Variants in PCDHGA8 observed in about 807,000 individuals in gnomAD.
PCDHGA8 encodes the protein protocadherin gamma-A8.
Under a neutral mutation model 59.2 loss-of-function variants are expected in PCDHGA8, and 45 were observed. The observed-to-expected ratio is 0.76, with a 90% CI of 0.60 to 0.98. The LOEUF is 0.98. PCDHGA8 is among the 50% of genes least tolerant of loss of function. PCDHGA8 has a pLI of 0.00. For missense variants in PCDHGA8, 1,257 were observed against 1,196.2 expected, an observed-to-expected ratio of 1.05 and a Z score of -0.75; for synonymous variants, 531 against 519.0, an observed-to-expected ratio of 1.02 and a Z score of -0.32.
chr5:141,476,920 A>G lies in PCDHGA8; in HGVS notation c.2425-17887A>G. The G allele has an allele frequency of 6.2e-7, 1 of 1,614,094 alleles. No individual in the cohort carries two copies. The highest frequency in any genetic ancestry group is 1.1e-5 in the South Asian group (1 of 91,088). On this transcript the variant is annotated intron_variant, in intron 1 of 3. Coordinates refer to ENST00000398604, the MANE Select transcript of PCDHGA8 (RefSeq NM_032088.2). This position sits in a 1 kb window ranked among gnomAD's most constrained non-coding sequence, Gnocchi z 7.6. ...GCACGCGCGTGGTACAAGTCCTTGC[A>G]ACGGATCTGGATGAAGGCCCCAACG...
chr5:141,413,390 C>G, intron 1 of PCDHGA8: 1 of 1,614,010 alleles, frequency 6.2e-7, no homozygotes, highest in Non-Finnish European at 8.5e-7. Context: ...CGCATAGTCT[C>G]CAGAGGTAGG....
At chr5:141,504,738 C>G (rs2099840693) in intron 2 of PCDHGA8, among the ~76,000 whole-genome samples, 1 of 151,874 alleles carries the variant, frequency 6.6e-6, no homozygotes, top group Non-Finnish European at 1.5e-5. Flanking sequence ...GCTTAGGAAG[C>G]CATTGAATTT....
In PCDHGA8 at chr5:141,431,155, C is replaced by T; in HGVS notation, c.2424+35918C>T. On this transcript the variant is annotated intron_variant, in intron 1 of 3. Transcript: ENST00000398604. This position sits in a 1 kb window ranked among gnomAD's most constrained non-coding sequence, Gnocchi z 4.8. ...GGGACATTAACGACAATGCGCCTTA[C>T]TTTCGTGAAAGTGAATTAGAAATAA... is the stretch of plus-strand genomic sequence containing the variant. 6.2e-7 allele frequency: 1 copy of T among 1,614,212 alleles called. No homozygotes were observed. Among genetic ancestry groups the T allele is most frequent in the Non-Finnish European group, 8.5e-7 (1 of 1,180,032 alleles).
intron 1 of PCDHGA8, among the ~76,000 whole-genome samples, chr5:141,488,434 C>T (rs1231743982): frequency 2.6e-5 from 4 of 152,166 alleles, no homozygotes; most frequent in African/African-American, 7.2e-5. Flanking sequence ...TGGCCTCTGA[C>T]CACCCTCCTG....
chr5:141,457,417 CT>C lies in PCDHGA8; in HGVS notation c.2425-37385del, dbSNP rs894846890. On this transcript the variant is annotated intron_variant, in intron 1 of 3. Transcript: ENST00000398604. ...ATTCACATTTTCACATTACCCATCC[CT>C]TTTTCCCCCCCACCAAGCTGCAGAA... Among the ~76,000 whole-genome samples, 3 of 152,296 alleles carry C rather than the reference CT, an allele frequency of 2.0e-5. No individual in the cohort carries two copies. In the South Asian group the frequency reaches 6.2e-4, roughly 32 times the overall value.
At chr5:141,450,679 G>A (rs2098690217) in intron 1 of PCDHGA8, among the ~76,000 whole-genome samples, 2 of 151,914 alleles carry the variant, frequency 1.3e-5, no homozygotes, top group Non-Finnish European at 2.9e-5. Context: ...TAGAAACGGG[G>A]TTTTGCCATG....
intron 1 of PCDHGA8, among the ~76,000 whole-genome samples, chr5:141,406,933 T>C (rs1034700573): frequency 6.6e-6 from 1 of 152,218 alleles, no homozygotes; most frequent in African/African-American, 2.4e-5. Flanking sequence ...ATGTATTATT[T>C]AATGTTATTT....
At chr5:141,450,729 C>T (rs370122389) in intron 1 of PCDHGA8, among the ~76,000 whole-genome samples, 3 of 152,048 alleles carry the variant, frequency 2.0e-5, no homozygotes, top group Non-Finnish European at 2.9e-5. Context: ...TCAGGTGATC[C>T]GCCCGCCTTG....
chr5:141,449,708 AT>A (rs2098652573), intron 1 of PCDHGA8, among the ~76,000 whole-genome samples: 1 of 151,520 alleles, frequency 6.6e-6, no homozygotes. Context: ...CAAACACATT[AT>A]TTTTATATGA....
intron 1 of PCDHGA8, chr5:141,415,388 G>C (rs752789407): frequency 6.2e-7 from 1 of 1,614,236 alleles, no homozygotes; most frequent in East Asian, 2.2e-5. Flanking sequence ...GGCTTGACAG[G>C]TGTGTCCGGC....
At chr5:141,450,829 A>ATTAT (rs1554136902) in intron 1 of PCDHGA8, among the ~76,000 whole-genome samples, 14 of 135,142 alleles carry the variant, frequency 1.0e-4, no homozygotes, top group African/African-American at 3.3e-4. Context: ...TATTATTATT[A>ATTAT]TTTTTTTTTT....
chr5:141,419,571 G>C, intron 1 of PCDHGA8: 1 of 1,611,704 alleles, frequency 6.2e-7, no homozygotes. Context: ...GGTCCCGACG[G>C]CTCCGCGCTC....
chr5:141,492,425 C>T (rs1243599547), intron 1 of PCDHGA8, among the ~76,000 whole-genome samples: 1 of 152,254 alleles, frequency 6.6e-6, no homozygotes, highest in Non-Finnish European at 1.5e-5. Flanking sequence ...CTCCGCCGGG[C>T]TCAGGAGTAC....
rs1429860093 is a variant in PCDHGA8, at chr5:141,487,828, C to A, written c.2425-6979C>A. 3 of 1,184,120 alleles carry A rather than the reference C, an allele frequency of 2.5e-6. No individual in the cohort carries two copies. The highest frequency in any genetic ancestry group is 1.5e-5 in the African/African-American group (1 of 64,540). The allele number at this position is 1,184,120 out of a possible 1,614,324, so 73.4% of individuals were successfully genotyped here. A position where few individuals can be genotyped will look rare whatever the true frequency, so the allele number is the denominator to read the frequency against. ...AGTTTAGCATTGGGGGCGGGTCATG[C>A]CTATATCTGAGTAAGAAATGAAAGT... On this transcript the variant is annotated intron_variant, in intron 1 of 3. Coordinates refer to ENST00000398604, the MANE Select transcript of PCDHGA8 (RefSeq NM_032088.2). The surrounding 1 kb of genome is among the most constrained non-coding windows in gnomAD (Gnocchi z 5.0).
At position 141,489,425 on chromosome 5, in the gene PCDHGA8, G is replaced by C. The variant is rs779739693; in HGVS notation, c.2425-5382G>C. On this transcript the variant is annotated intron_variant, in intron 1 of 3. Transcript: ENST00000398604. This position sits in a 1 kb window ranked among gnomAD's most constrained non-coding sequence, Gnocchi z 4.5. ...TTAAAGATGACAGATCTGTTGAGCC[G>C]GCGGCTGCAATTGGGCTCTGAGGAG... The C allele has an allele frequency of 4.3e-6, 7 of 1,614,118 alleles. No individual in the cohort carries two copies. The highest frequency in any genetic ancestry group is 1.1e-5 in the South Asian group (1 of 91,070).
rs377547144 is a variant in PCDHGA8, at chr5:141,409,030, G to A, written c.2424+13793G>A. The stretch of plus-strand genomic sequence containing the variant: ...ACCAGGATGAGGGGGTCAATGCTGA[G>A]ATAAACTACTACTTCCGAAGCACTG... On this transcript the variant is annotated intron_variant, in intron 1 of 3. Transcript: ENST00000398604. 9.9e-6 allele frequency: 16 copies of A among 1,613,892 alleles called. No homozygotes were observed. The African/African-American group carries it at 2.0e-4, about 20-fold the overall frequency.
intron 1 of PCDHGA8, chr5:141,408,089 G>C: frequency 7.0e-7 from 1 of 1,424,386 alleles, no homozygotes; most frequent in Non-Finnish European, 9.2e-7. Flanking sequence ...ACAGCGGATT[G>C]CCAGCTCCGA....
intron 1 of PCDHGA8, chr5:141,419,364 C>T (rs1360235541): frequency 1.1e-5 from 18 of 1,613,690 alleles, no homozygotes; most frequent in Non-Finnish European, 1.3e-5. Flanking sequence ...CGAACGCTGT[C>T]GTCCTACGTG....
chr5:141,441,280 G>A (rs2098237221), intron 1 of PCDHGA8: 1 of 152,090 alleles, frequency 6.6e-6, no homozygotes, highest in East Asian at 1.9e-4. Flanking sequence ...GGGAGAAAAC[G>A]AGGTCACATG....
Sources: allele counts gnomAD v4.1 joint callset (sites outside exome capture counted in the v4.1 genomes callset), GRCh38; gene constraint gnomAD v4.1.1; non-coding constraint Gnocchi (gnomAD v3.1); transcripts MANE v1.5; gene names NCBI Gene and HGNC (gene_info 2026-07-23, HGNC 2026-07-21).